The following WDR26 variants were observed in gnomAD, a reference collection of about 807,000 sequenced individuals.
WDR26 encodes WD repeat domain 26.
A neutral mutation model predicts 84.1 loss-of-function variants in WDR26; 5 were observed. The observed-to-expected ratio is 0.06, with a 90% CI of 0.03 to 0.13. WDR26 has a LOEUF of 0.13. Among genes scored for constraint, WDR26 ranks in the 10% least tolerant of loss-of-function variants. The probability of loss-of-function intolerance (pLI) is 1.00; values close to 1 mark genes in which losing one functional copy is unlikely to be tolerated. For missense variants in WDR26, 642 were observed against 974.9 expected (o/e 0.66, Z 4.55); for synonymous variants, 415 against 389.6 (o/e 1.07, Z -0.77).
At position 224,389,481 on chromosome 1, in the gene WDR26, T is replaced by G; in HGVS notation, c.*354A>C. Reference sequence around the variant, plus strand: ...AAGTTTTCCAAACAAGCATTTAAACTTCATTACACAGAAGAGCAACAAGAA... The same window carrying G: ...AAGTTTTCCAAACAAGCATTTAAACGTCATTACACAGAAGAGCAACAAGAA... On this transcript the variant is annotated 3_prime_UTR_variant, in exon 14 of 14. Coordinates refer to ENST00000414423, the MANE Select transcript of WDR26 (RefSeq NM_001379403.1). The G allele has an allele frequency of 2.1e-6, 1 of 477,412 alleles. No individual in the cohort carries two copies. Among genetic ancestry groups the G allele is most frequent in the Non-Finnish European group, 3.6e-6 (1 of 275,692 alleles). 29.6% of individuals were successfully genotyped at this position (477,412 alleles called of 1,614,324 possible). A position where few individuals can be genotyped will look rare whatever the true frequency, so the allele number is the denominator to read the frequency against.
Position 224,431,459 on chromosome 1 carries a change from G to T in WDR26, c.927+18C>A, listed in dbSNP as rs748051404. ...AAAATAAGCATAAATGTGAAACTAA[G>T]AACAAAAGTGTATTTACCACAATTA... On this transcript the variant is annotated intron_variant, in intron 3 of 13. Transcript: ENST00000414423. 1 of 1,607,738 alleles carries T rather than the reference G, an allele frequency of 6.2e-7. No individual in the cohort carries two copies. The highest frequency in any genetic ancestry group is 1.1e-5 in the South Asian group (1 of 90,606).
At chr1:224,432,136 TAAA>T (rs891905232) in intron 1 of WDR26, among the ~76,000 whole-genome samples, 1 of 152,222 alleles carries the variant, frequency 6.6e-6, no homozygotes, top group Non-Finnish European at 1.5e-5. Context: ...TTTTGAAAGA[TAAA>T]AATTATTAGC....
chr1:224,415,116 T>C (rs1196987792), intron 6 of WDR26, among the ~76,000 whole-genome samples: 1 of 152,246 alleles, frequency 6.6e-6, no homozygotes, highest in Non-Finnish European at 1.5e-5. Context: ...TATAACGTAA[T>C]GTCTGACATT....
chr1:224,433,445 T>A (rs533936469), intron 1 of WDR26, among the ~76,000 whole-genome samples: 1 of 152,130 alleles, frequency 6.6e-6, no homozygotes, highest in South Asian at 2.1e-4. Context: ...CCTCAACGCC[T>A]GTCTCGTCTC....
At position 224,434,214 on chromosome 1, in the gene WDR26, G is replaced by C; in HGVS notation, c.192C>G (p.Ser64=). The C allele has an allele frequency of 7.2e-7, 1 of 1,398,144 alleles. No homozygotes were observed. The highest frequency in any genetic ancestry group is 9.3e-7 in the Non-Finnish European group (1 of 1,080,602). 86.6% of individuals were successfully genotyped at this position (1,398,144 alleles called of 1,614,324 possible). A position where few individuals can be genotyped will look rare whatever the true frequency, so the allele number is the denominator to read the frequency against. Residue 64 remains serine (S), a synonymous_variant, in exon 1 of 14, where the codon TCC becomes TCG. Coordinates refer to ENST00000414423, the MANE Select transcript of WDR26 (RefSeq NM_001379403.1). ...CCACCACTACCACCACGGAGGAGGA[G>C]GAGGAGGAGGAGGACGAGGACGACG...
chr1:224,405,915 A>G (rs1359503687), intron 7 of WDR26, among the ~76,000 whole-genome samples: 1 of 152,262 alleles, frequency 6.6e-6, no homozygotes, highest in Admixed American at 6.5e-5. Flanking sequence ...GAGAACTAGG[A>G]TAACAATGTG....
intron 7 of WDR26, among the ~76,000 whole-genome samples, chr1:224,409,412 A>AG (rs1673670056): frequency 6.6e-6 from 1 of 152,240 alleles, no homozygotes; most frequent in Non-Finnish European, 1.5e-5. Context: ...AAGAGTCCAT[A>AG]GGTTTGCCAA....
intron 6 of WDR26, among the ~76,000 whole-genome samples, chr1:224,418,045 C>T (rs947831830): frequency 5.3e-5 from 8 of 152,178 alleles, no homozygotes; most frequent in Admixed American, 2.0e-4. Context: ...TAACGAAAAA[C>T]TGGCTTCCCA....
At chr1:224,425,121 A>G (rs549833172) in intron 3 of WDR26, among the ~76,000 whole-genome samples, 57 of 152,348 alleles carry the variant, frequency 3.7e-4, no homozygotes, top group African/African-American at 1.3e-3. Flanking sequence ...TCACAATGTG[A>G]AAGAGGGAAT....
intron 1 of WDR26, 141 bp downstream of exon 1, chr1:224,433,543 A>C: frequency 1.7e-6 from 2 of 1,186,898 alleles, no homozygotes; most frequent in East Asian, 2.6e-5. Flanking sequence ...CCTCCTGTGT[A>C]CTGGGTCCTG....
chr1:224,397,951 TAC>T (rs2102890580), intron 12 of WDR26, 144 bp downstream of exon 12: 1 of 962,954 alleles, frequency 1.0e-6, no homozygotes, highest in Non-Finnish European at 1.5e-6. Flanking sequence ...CTTAGGTCAT[TAC>T]AGAGAGAAAT....
chr1:224,402,575 TTA>T (rs1474266943), intron 8 of WDR26, among the ~76,000 whole-genome samples: 3 of 152,194 alleles, frequency 2.0e-5, no homozygotes, highest in African/African-American at 7.2e-5. Flanking sequence ...ACAATGAAAG[TTA>T]TGTTAGAACA....
rs542029019 is a variant in WDR26 at position 224,406,137 on chromosome 1, G to T, written c.1459-1567C>A. ...AGGCTGAGGCTGGAGGACTGCTTGA[G>T]TCCAGGAGTTCAAGACCGACCTGGA... On this transcript the variant is annotated intron_variant, in intron 7 of 13. Transcript: ENST00000414423. Among the ~76,000 whole-genome samples, 8 of 152,286 alleles carry T rather than the reference G, an allele frequency of 5.3e-5. No homozygotes were observed. In the East Asian group the frequency reaches 1.2e-3, roughly 22 times the overall value.
At chr1:224,413,914 A>C (rs1673813442) in intron 6 of WDR26, among the ~76,000 whole-genome samples, 4 of 152,024 alleles carry the variant, frequency 2.6e-5, no homozygotes, top group Admixed American at 2.6e-4. Flanking sequence ...GGTTCAAGTG[A>C]TTCTCCTGCC....
chr1:224,410,865 A>T (rs28649581), intron 7 of WDR26, among the ~76,000 whole-genome samples: 1 of 151,628 alleles, frequency 6.6e-6, no homozygotes, highest in Non-Finnish European at 1.5e-5. Flanking sequence ...TGCCTGGCTA[A>T]TTTTTTGTAG....
Position 224,389,165 on chromosome 1 carries a change from A to G in WDR26, c.*670T>C, listed in dbSNP as rs1237081481. The G allele has an allele frequency of 1.3e-5, 2 of 152,788 alleles. No individual in the cohort carries two copies. Among genetic ancestry groups the G allele is most frequent in the African/African-American group, 4.8e-5 (2 of 41,444 alleles). 9.5% of individuals were successfully genotyped at this position (152,788 alleles called of 1,614,324 possible). A position where few individuals can be genotyped will look rare whatever the true frequency, so the allele number is the denominator to read the frequency against. On this transcript the variant is annotated 3_prime_UTR_variant, in exon 14 of 14. Coordinates refer to ENST00000414423, the MANE Select transcript of WDR26 (RefSeq NM_001379403.1). Reference sequence around the variant, plus strand: ...ATAAATACTTCTTAATTTATTTTTAAAAAATTGTGCTGTTAACCCTTTTAC... The same window carrying G: ...ATAAATACTTCTTAATTTATTTTTAGAAAATTGTGCTGTTAACCCTTTTAC...
intron 6 of WDR26, among the ~76,000 whole-genome samples, chr1:224,413,543 T>C (rs577486866): frequency 6.6e-6 from 1 of 152,314 alleles, no homozygotes; most frequent in South Asian, 2.1e-4. Context: ...AGGTGCCAAA[T>C]GCTGCTTTAG....
chr1:224,422,342 G>A (rs900631043), intron 4 of WDR26, among the ~76,000 whole-genome samples: 10 of 152,248 alleles, frequency 6.6e-5, no homozygotes, highest in African/African-American at 2.4e-4. Context: ...CTGCTGGAGA[G>A]CCAGTGGCAA....
intron 12 of WDR26, among the ~76,000 whole-genome samples, chr1:224,394,659 C>A (rs1673213073): frequency 6.6e-6 from 1 of 152,026 alleles, no homozygotes; most frequent in Non-Finnish European, 1.5e-5. Context: ...TGTGTGTGAC[C>A]ATGCCCGGCT....
Sources: gnomAD v4.1 joint callset for allele counts (sites outside exome capture counted in the v4.1 genomes callset) on GRCh38, gnomAD v4.1.1 for gene constraint, MANE v1.5 for transcripts, NCBI Gene and HGNC (gene_info 2026-07-23, HGNC 2026-07-21) for gene names.